Variants in DNAH7 observed in about 807,000 individuals in gnomAD.
DNAH7 encodes the protein dynein axonemal heavy chain 7.
DNAH7 carries 397 observed loss-of-function variants against 444.6 expected under a neutral mutation model. The ratio of observed to expected loss-of-function variants is 0.89; its 90% CI spans 0.82 to 0.97. The LOEUF (loss-of-function observed/expected upper bound fraction) is 0.97. Among genes scored for constraint, DNAH7 ranks in the 50% least tolerant of loss-of-function variants. DNAH7 has a pLI of 0.00. For missense variants in DNAH7, 4,902 were observed against 4,800.8 expected (o/e 1.02, Z -0.62); for synonymous variants, 1,636 against 1,624.4 (o/e 1.01, Z -0.17).
intron 54 of DNAH7, among the ~76,000 whole-genome samples, chr2:195,801,346 T>C (rs1241805587): frequency 6.6e-6 from 1 of 152,186 alleles, no homozygotes; most frequent in East Asian, 1.9e-4. Context: ...GTTCATTTTT[T>C]AGTCACAAAT....
chr2:195,962,169 T>A (rs1464172249), intron 17 of DNAH7, among the ~76,000 whole-genome samples: 1 of 152,202 alleles, frequency 6.6e-6, no homozygotes, highest in Non-Finnish European at 1.5e-5. Flanking sequence ...CGAGGTTACT[T>A]AAAATTTCAG....
chr2:196,024,199 T>G (rs1448558586), intron 8 of DNAH7, among the ~76,000 whole-genome samples: 1 of 152,070 alleles, frequency 6.6e-6, no homozygotes, highest in African/African-American at 2.4e-5. Context: ...AGACCTTCAG[T>G]TGCAAAAAAC....
At chr2:195,995,223 C>T (rs1040398364) in intron 12 of DNAH7, 4 of 376,304 alleles carry the variant, frequency 1.1e-5, no homozygotes, top group Admixed American at 5.8e-5. Context: ...CCAAAATGCC[C>T]GGCTATTTTT....
At chr2:196,039,818 T>A (rs558163118) in intron 5 of DNAH7, among the ~76,000 whole-genome samples, 1 of 149,764 alleles carries the variant, frequency 6.7e-6, no homozygotes, top group Admixed American at 6.6e-5. Context: ...AAAAAAAGAT[T>A]TCAAAATTTA....
At chr2:195,838,473 C>T (rs1459211704) in intron 47 of DNAH7, among the ~76,000 whole-genome samples, 2 of 151,274 alleles carry the variant, frequency 1.3e-5, no homozygotes, top group African/African-American at 4.8e-5. Context: ...GAAAAAAAAA[C>T]AGAAAGGATA....
chr2:195,844,897 AT>A, intron 47 of DNAH7, 104 bp downstream of exon 47: 1 of 977,662 alleles, frequency 1.0e-6, no homozygotes, highest in Admixed American at 2.9e-5. Context: ...TAGTTAAGTA[AT>A]TTTTTAATAC....
At chr2:195,998,939 G>C in intron 12 of DNAH7, 2 of 542,244 alleles carry the variant, frequency 3.7e-6, no homozygotes, top group Non-Finnish European at 6.7e-6. Flanking sequence ...AGCATGAGTT[G>C]AAAGGTCATT....
chr2:195,998,173 C>T (rs1185401165), intron 12 of DNAH7, among the ~76,000 whole-genome samples: 1 of 152,154 alleles, frequency 6.6e-6, no homozygotes, highest in Non-Finnish European at 1.5e-5. Flanking sequence ...TTTCAATTAA[C>T]TGTTCTAATC....
chr2:195,908,299 CTGAG>C (rs1282538529), intron 25 of DNAH7, among the ~76,000 whole-genome samples: 1 of 151,852 alleles, frequency 6.6e-6, no homozygotes, highest in East Asian at 1.9e-4. Context: ...TGCATAGTGA[CTGAG>C]TCACTATGCA....
rs1692744859 is a variant in DNAH7 at position 195,738,000 on chromosome 2, G to GCAAT, written c.11992_11995dup (p.Ala3999AspfsTer8). On this transcript the variant is annotated frameshift_variant, in exon 65 of 65. Coordinates refer to ENST00000312428, the MANE Select transcript of DNAH7 (RefSeq NM_018897.3). LOFTEE classifies it high-confidence loss of function. ...GGGTTGGTCAGAGGGAAGAGTCATG[G>GCAAT]CAATCACAAAATTCGTGGAATGGCC... The GCAAT allele has an allele frequency of 7.4e-6, 12 of 1,613,954 alleles. No individual in the cohort carries two copies. The highest frequency in any genetic ancestry group is 1.7e-5 in the Admixed American group (1 of 59,990).
At chr2:195,922,386 T>A (rs1165085594) in intron 23 of DNAH7, among the ~76,000 whole-genome samples, 189 bp from the exon 24 acceptor site, 1 of 152,158 alleles carries the variant, frequency 6.6e-6, no homozygotes, top group Non-Finnish European at 1.5e-5. Context: ...TGGCTTTAAT[T>A]TTTCCCATAA....
intron 46 of DNAH7, among the ~76,000 whole-genome samples, chr2:195,846,368 G>T (rs1453694790): frequency 1.3e-5 from 2 of 152,144 alleles, no homozygotes; most frequent in African/African-American, 4.8e-5. Context: ...ACAGATGCTG[G>T]CGAGGTCACA....
At chr2:195,992,047 A>C (rs891024042) in intron 12 of DNAH7, among the ~76,000 whole-genome samples, 1 of 152,178 alleles carries the variant, frequency 6.6e-6, no homozygotes, top group Non-Finnish European at 1.5e-5. Context: ...AACACACAAC[A>C]ACCTAGCCAG....
At position 195,873,563 on chromosome 2, in the gene DNAH7, C is replaced by T. The variant is rs1284146313; in HGVS notation, c.6413+5G>A. Reference sequence around the variant, plus strand: ...TTAAAAAAAAAACAAATTTTGATTACTTACCAGATTTCTAAATGCCAAGTT... The same window carrying T: ...TTAAAAAAAAAACAAATTTTGATTATTTACCAGATTTCTAAATGCCAAGTT... On this transcript the variant is annotated splice_donor_5th_base_variant and intron_variant, in intron 39 of 64. Coordinates refer to ENST00000312428, the MANE Select transcript of DNAH7 (RefSeq NM_018897.3). The T allele has an allele frequency of 9.9e-6, 13 of 1,318,890 alleles. No individual in the cohort carries two copies. Among genetic ancestry groups the T allele is most frequent in the Non-Finnish European group, 1.3e-5 (13 of 1,000,826 alleles). The allele number at this position is 1,318,890 out of a possible 1,614,324, so 81.7% of individuals were successfully genotyped here.
intron 28 of DNAH7, 26 bp downstream of exon 28, chr2:195,900,256 C>G: frequency 1.2e-6 from 2 of 1,608,570 alleles, no homozygotes; most frequent in Non-Finnish European, 1.7e-6. Flanking sequence ...AGGAAATTTA[C>G]AAGTAAGAAA....
In DNAH7 at chr2:195,872,342, G is replaced by A. The variant is rs773510256; in HGVS notation, c.6541C>T (p.Arg2181Cys). Reference protein sequence around the residue: ...PAKSHYLFNLRDFSRVIQGVC... With the variant: ...PAKSHYLFNLCDFSRVIQGVC... ...CCTTGAATGACACGGGAGAAATCAC[G>A]GAGGTTGAACAAGTAGTGAGATTTA... The change falls in exon 40 of 65, where the codon CGT (arginine) becomes TGT (cysteine). Residue 2181 changes from arginine (R) to cysteine (C), a missense_variant. Physicochemically the swap from Arg to Cys is radical, Grantham distance 180 (BLOSUM62 -3). Coordinates refer to ENST00000312428, the MANE Select transcript of DNAH7 (RefSeq NM_018897.3). 36 of 1,613,782 alleles carry A rather than the reference G, an allele frequency of 2.2e-5. No individual in the cohort carries two copies. The highest frequency in any genetic ancestry group is 8.9e-5 in the East Asian group (4 of 44,838).
At chr2:195,930,220 G>A (rs1207456979) in intron 21 of DNAH7, among the ~76,000 whole-genome samples, 2 of 152,182 alleles carry the variant, frequency 1.3e-5, no homozygotes, top group East Asian at 3.9e-4. Flanking sequence ...GCGCACGCCT[G>A]TAGTACCAGC....
At chr2:195,989,591 A>G (rs1308268068) in intron 12 of DNAH7, among the ~76,000 whole-genome samples, 1 of 152,156 alleles carries the variant, frequency 6.6e-6, no homozygotes, top group East Asian at 1.9e-4. Context: ...CTTGTCAGAC[A>G]TTGATATAGT....
chr2:195,924,770 T>C (rs943472517), intron 22 of DNAH7, among the ~76,000 whole-genome samples: 2 of 152,136 alleles, frequency 1.3e-5, no homozygotes, highest in African/African-American at 2.4e-5. Context: ...AAACAAAACA[T>C]TGAATATGTT....
Sources: allele counts gnomAD v4.1 joint callset (sites outside exome capture counted in the v4.1 genomes callset), GRCh38; gene constraint gnomAD v4.1.1; transcripts MANE v1.5; gene names NCBI Gene and HGNC (gene_info 2026-07-23, HGNC 2026-07-21).